DNAJC5B: variants seen among roughly 807,000 people sequenced by gnomAD.
DNAJC5B encodes dnaJ homolog subfamily C member 5B.
A neutral mutation model predicts 24.7 loss-of-function variants in DNAJC5B; 23 were observed. The observed-to-expected ratio is 0.93, with a 90% confidence interval of 0.67 to 1.32. The LOEUF (loss-of-function observed/expected upper bound fraction) is 1.32. Among genes scored for constraint, DNAJC5B ranks in the 40% most tolerant of loss-of-function variants. The pLI is 0.00. For missense variants in DNAJC5B, 238 were observed against 240.8 expected (o/e 0.99, Z 0.08); for synonymous variants, 101 against 90.1 (o/e 1.12, Z -0.68).
upstream of DNAJC5B, among the ~76,000 whole-genome samples, chr8:66,020,930 G>A (rs1586053192): frequency 1.3e-5 from 2 of 152,076 alleles, no homozygotes; most frequent in South Asian, 2.1e-4. Context: ...GAGCCATCTC[G>A]CCCTGCCAAC....
At chr8:66,086,505 C>T (rs981433238) in intron 5 of DNAJC5B, among the ~76,000 whole-genome samples, 6 of 152,058 alleles carry the variant, frequency 3.9e-5, no homozygotes, top group African/African-American at 1.4e-4. Context: ...TTTGAAGGAA[C>T]TATTAGCTAC....
At chr8:66,063,470 T>A (rs2128961638) in intron 3 of DNAJC5B, among the ~76,000 whole-genome samples, 1 of 152,326 alleles carries the variant, frequency 6.6e-6, no homozygotes, top group African/African-American at 2.4e-5. Flanking sequence ...TTAATTGACA[T>A]TAATCTCTAT....
At position 66,051,810 on chromosome 8, in the gene DNAJC5B, G is replaced by A. The variant is rs532076101; in HGVS notation, c.119+144G>A. ...ATGTTCCCTGCTCTACAACATAGGA[G>A]TTAGGAATGGAAAGGCATGACAGTG... On this transcript the variant is annotated intron_variant, in intron 3 of 5. Coordinates refer to ENST00000276570, the MANE Select transcript of DNAJC5B (RefSeq NM_033105.6). 242 of 659,364 alleles carry A rather than the reference G, an allele frequency of 3.7e-4. 5 individuals carry two copies. In the South Asian group the frequency reaches 4.4e-3, roughly 12 times the overall value. 40.8% of individuals were successfully genotyped at this position (659,364 alleles called of 1,614,324 possible). A position where few individuals can be genotyped will look rare whatever the true frequency, so the allele number is the denominator to read the frequency against.
At chr8:66,091,939 A>C (rs114759120) in intron 5 of DNAJC5B, among the ~76,000 whole-genome samples, 1,902 of 152,292 alleles carry the variant, frequency 0.012, 34 homozygotes, top group African/African-American at 0.039. Flanking sequence ...GTATGATTCC[A>C]TTTATATGAA....
At chr8:66,020,422 G>A (rs1004179567), upstream of DNAJC5B, among the ~76,000 whole-genome samples, 15 of 152,252 alleles carry the variant, frequency 9.9e-5, no homozygotes, top group East Asian at 3.9e-4. Flanking sequence ...CAGATACGTC[G>A]TCTGATGCAA....
At chr8:66,084,964 C>A (rs115629772) in intron 5 of DNAJC5B, among the ~76,000 whole-genome samples, 1 of 151,850 alleles carries the variant, frequency 6.6e-6, no homozygotes, top group African/African-American at 2.4e-5. Flanking sequence ...AGATTTATGA[C>A]GCATTTTGAG....
intron 4 of DNAJC5B, among the ~76,000 whole-genome samples, chr8:66,077,840 C>T (rs1807504764): frequency 6.6e-6 from 1 of 152,160 alleles, no homozygotes; most frequent in African/African-American, 2.4e-5. Flanking sequence ...TTACTATAGT[C>T]CTCAGAGTTC....
chr8:66,086,411 T>C (rs1449318858), intron 5 of DNAJC5B, among the ~76,000 whole-genome samples: 1 of 152,210 alleles, frequency 6.6e-6, no homozygotes, highest in Non-Finnish European at 1.5e-5. Context: ...TGGCAAGTTA[T>C]ATAGCCACTA....
intron 5 of DNAJC5B, among the ~76,000 whole-genome samples, chr8:66,089,415 A>G (rs1010961989): frequency 1.3e-5 from 2 of 152,224 alleles, no homozygotes. Flanking sequence ...ATGTTATAGG[A>G]CATTATAACT....
chr8:66,027,961 A>C (rs1471517150), intron 1 of DNAJC5B, among the ~76,000 whole-genome samples: 1 of 152,236 alleles, frequency 6.6e-6, no homozygotes, highest in Non-Finnish European at 1.5e-5. Flanking sequence ...GCTCTTTAAG[A>C]GTTAAGAATT....
At chr8:66,045,965 C>T (rs1401922150) in intron 2 of DNAJC5B, among the ~76,000 whole-genome samples, 1 of 152,180 alleles carries the variant, frequency 6.6e-6, no homozygotes, top group Non-Finnish European at 1.5e-5. Context: ...ATGCCCCCAT[C>T]CTGTCACCAC....
intron 1 of DNAJC5B, among the ~76,000 whole-genome samples, chr8:66,040,344 C>T (rs945608969): frequency 6.6e-6 from 1 of 151,416 alleles, no homozygotes. Flanking sequence ...GAGCCAAGAT[C>T]GTGCCACTGC....
intron 5 of DNAJC5B, among the ~76,000 whole-genome samples, chr8:66,098,738 C>T (rs1808009182): frequency 6.6e-6 from 1 of 151,946 alleles, no homozygotes; most frequent in South Asian, 2.1e-4. Flanking sequence ...TTCACTAATT[C>T]TTTCTTTAGC....
At chr8:66,040,746 G>A (rs925531495) in intron 1 of DNAJC5B, among the ~76,000 whole-genome samples, 1 of 152,156 alleles carries the variant, frequency 6.6e-6, no homozygotes, top group African/African-American at 2.4e-5. Context: ...TGGGCCCTGG[G>A]CGTCAGAATT....
At chr8:66,094,087 C>G (rs990050094) in intron 5 of DNAJC5B, among the ~76,000 whole-genome samples, 3 of 152,056 alleles carry the variant, frequency 2.0e-5, no homozygotes, top group Admixed American at 2.0e-4. Flanking sequence ...TTATCACAAT[C>G]CCTAATATCT....
chr8:66,037,809 A>C (rs1273843689), intron 1 of DNAJC5B, among the ~76,000 whole-genome samples: 2 of 152,370 alleles, frequency 1.3e-5, no homozygotes, highest in Non-Finnish European at 2.9e-5. Flanking sequence ...GTTTGTATGA[A>C]AGAGAAAACT....
chr8:66,061,960 G>T (rs1257898817), intron 3 of DNAJC5B, among the ~76,000 whole-genome samples: 2 of 151,676 alleles, frequency 1.3e-5, no homozygotes, highest in Non-Finnish European at 2.9e-5. Flanking sequence ...AGCCTGTGGG[G>T]GCGCAGCCGA....
At chr8:66,081,201 A>T (rs1041566483) in intron 5 of DNAJC5B, among the ~76,000 whole-genome samples, 2 of 152,162 alleles carry the variant, frequency 1.3e-5, no homozygotes, top group African/African-American at 4.8e-5. Flanking sequence ...AAATGAAAAA[A>T]TTTTAAAAAT....
intron 1 of DNAJC5B, among the ~76,000 whole-genome samples, chr8:66,028,536 C>G (rs1472465068): frequency 6.6e-6 from 1 of 152,198 alleles, no homozygotes; most frequent in Non-Finnish European, 1.5e-5. Flanking sequence ...TTTGGCAAAC[C>G]TGTTCCCCCT....
Sources: allele counts gnomAD v4.1 joint callset (sites outside exome capture counted in the v4.1 genomes callset), GRCh38; gene constraint gnomAD v4.1.1; transcripts MANE v1.5; gene names NCBI Gene and HGNC (gene_info 2026-07-23, HGNC 2026-07-21).